IL1RL2: variants seen among roughly 807,000 people sequenced by gnomAD.
IL1RL2 encodes the protein interleukin 1 receptor like 2.
A neutral mutation model predicts 66.8 loss-of-function variants in IL1RL2; 68 were observed. The observed-to-expected ratio is 1.02, with a 90% CI of 0.84 to 1.25. The LOEUF (loss-of-function observed/expected upper bound fraction) is 1.25, where lower values mean the gene tolerates loss of function less well. IL1RL2 is among the 50% of genes most tolerant of loss of function. The pLI is 0.00. For synonymous variants in IL1RL2, 305 were observed against 264.6 expected, an observed-to-expected ratio of 1.15 and a Z score of -1.48; for missense variants, 729 against 709.3, an observed-to-expected ratio of 1.03 and a Z score of -0.32.
At chr2:102,223,647 C>A (rs7570468) in intron 8 of IL1RL2, among the ~76,000 whole-genome samples, 6,013 of 152,178 alleles carry the variant, frequency 0.04, 303 homozygotes, top group African/African-American at 0.11. Flanking sequence ...GTGAAGAGCC[C>A]GAGAATTTTA....
Position 102,239,815 on chromosome 2 carries a change from T to A in IL1RL2, c.*574T>A, listed in dbSNP as rs565640342. 1 of 154,386 alleles carries A rather than the reference T, an allele frequency of 6.5e-6. No individual in the cohort carries two copies. Among genetic ancestry groups the A allele is most frequent in the South Asian group, 1.9e-4 (1 of 5,276 alleles). The allele number at this position is 154,386 out of a possible 1,614,324, so 9.6% of individuals were successfully genotyped here. A position where few individuals can be genotyped will look rare whatever the true frequency, so the allele number is the denominator to read the frequency against. On this transcript the variant is annotated 3_prime_UTR_variant, in exon 12 of 12. Transcript: ENST00000264257. ...TCATGGTGGGTGAGAGCTGGGGGGATCACCTGTCATGGTGGGTGAGAGTTG... is the reference window on the plus strand; with the variant it reads ...TCATGGTGGGTGAGAGCTGGGGGGAACACCTGTCATGGTGGGTGAGAGTTG...
intron 9 of IL1RL2, among the ~76,000 whole-genome samples, chr2:102,227,557 G>A (rs1479465055): frequency 1.3e-5 from 2 of 152,104 alleles, no homozygotes; most frequent in African/African-American, 2.4e-5. Context: ...TGGATAGTCC[G>A]ACTGGGCATG....
intron 4 of IL1RL2, 102 bp from the exon 5 acceptor site, chr2:102,201,454 C>T: frequency 9.9e-7 from 1 of 1,005,704 alleles, no homozygotes; most frequent in Admixed American, 2.0e-5. Context: ...AGCTAGCTAG[C>T]TATCTGTTGT....
downstream of IL1RL2, among the ~76,000 whole-genome samples, chr2:102,241,659 T>C (rs1675235221): frequency 6.6e-6 from 1 of 152,076 alleles, no homozygotes; most frequent in African/African-American, 2.4e-5. Flanking sequence ...TAAGCTAAGC[T>C]CTTTAAGTAC....
At chr2:102,231,249 G>T (rs747157361) in intron 9 of IL1RL2, among the ~76,000 whole-genome samples, 37 of 152,092 alleles carry the variant, frequency 2.4e-4, no homozygotes, top group Non-Finnish European at 4.6e-4. Context: ...TCCACTCTTA[G>T]ACCCTCACTT....
rs139767610 is a variant in IL1RL2 at position 102,219,049 on chromosome 2, A to T, written c.821A>T (p.Tyr274Phe). Reference protein sequence around the residue: ...RVNNTLVDDYYDESKRIREGV... With the variant: ...RVNNTLVDDYFDESKRIREGV... ...AATAACACTTTGGTGGATGATTACT[A>T]TGATGAATCCAAACGAATCAGAGAA... is the stretch of plus-strand genomic sequence containing the variant. Residue 274 changes from tyrosine (Y) to phenylalanine (F), a missense_variant, in exon 7 of 12, where the codon TAT becomes TTT. Tyr to Phe is a conservative substitution (Grantham distance 22, BLOSUM62 3). Transcript: ENST00000264257. 1.9e-6 allele frequency: 3 copies of T among 1,613,882 alleles called. No individual in the cohort carries two copies. The African/African-American group carries it at 4.0e-5, about 22-fold the overall frequency.
intron 1 of IL1RL2, 145 bp from the exon 2 acceptor site, chr2:102,187,711 G>C: frequency 1.4e-6 from 1 of 709,240 alleles, no homozygotes; most frequent in Non-Finnish European, 2.5e-6. Context: ...GGGAAACGTG[G>C]GGCCAAAGTC....
At position 102,229,753 on chromosome 2, in the gene IL1RL2, A is replaced by G. The variant is rs1386572935; in HGVS notation, c.1136-3210A>G. Among the ~76,000 whole-genome samples the G allele has an allele frequency of 2.0e-5, 3 of 152,372 alleles. No individual in the cohort carries two copies. In the Middle Eastern group the frequency reaches 0.01, roughly 518 times the overall value. On this transcript the variant is annotated intron_variant, in intron 9 of 11. Transcript: ENST00000264257. ...TTTCTACTCAAAAGCTTAGTCAGAC[A>G]GAAAGAAAAAAAAGATGACCAAAAA...
At position 102,189,128 on chromosome 2, in the gene IL1RL2, T is replaced by C. The variant is rs770349785; in HGVS notation, c.111T>C (p.Pro37=). The part of the protein sequence containing the change: ...MKNEILSASQ[P]FAFNCTFPPI... ...ATGAGATACTTTCAGCAAGCCAGCC[T>C]TTTGCTTTTAATTGTACATTCCCTC... Residue 37 remains proline, a synonymous_variant, in exon 3 of 12, where the codon CCT becomes CCC. Coordinates refer to ENST00000264257, the MANE Select transcript of IL1RL2 (RefSeq NM_003854.4). 8 of 1,614,130 alleles carry C rather than the reference T, an allele frequency of 5.0e-6. No individual in the cohort carries two copies. The highest frequency in any genetic ancestry group is 1.7e-5 in the Admixed American group (1 of 60,034).
At chr2:102,210,300 A>C (rs890090485) in intron 5 of IL1RL2, among the ~76,000 whole-genome samples, 1 of 152,116 alleles carries the variant, frequency 6.6e-6, no homozygotes, top group South Asian at 2.1e-4. Flanking sequence ...GCAGGTGATG[A>C]GGTTGGGTAA....
chr2:102,188,962 A>C, intron 2 of IL1RL2, 114 bp from the exon 3 acceptor site: 1 of 727,804 alleles, frequency 1.4e-6, no homozygotes, highest in Non-Finnish European at 2.2e-6. Context: ...GAAACTCCCA[A>C]ATAAAATTTC....
downstream of IL1RL2, among the ~76,000 whole-genome samples, chr2:102,240,248 G>A (rs1003138102): frequency 6.6e-6 from 1 of 151,018 alleles, no homozygotes. Flanking sequence ...CCCACACTTA[G>A]TAGATGGACT....
chr2:102,211,979 G>T, intron 5 of IL1RL2, 121 bp from the exon 6 acceptor site: 1 of 575,442 alleles, frequency 1.7e-6, no homozygotes, highest in South Asian at 2.9e-5. Context: ...TTTATGGAGT[G>T]AGATTTTGAC....
At chr2:102,218,815 C>A in intron 6 of IL1RL2, 138 bp from the exon 7 acceptor site, 1 of 731,528 alleles carries the variant, frequency 1.4e-6, no homozygotes, top group Non-Finnish European at 2.2e-6. Context: ...AGTAGATTAA[C>A]ATTTGCCTAG....
At chr2:102,201,534 A>G (rs1437359189) in intron 4 of IL1RL2, 22 bp from the exon 5 acceptor site, 3 of 1,610,424 alleles carry the variant, frequency 1.9e-6, no homozygotes, top group East Asian at 4.5e-5. Context: ...ATTGAATTGA[A>G]TTTTGTTTTT....
At chr2:102,234,701 C>T (rs192508552) in intron 10 of IL1RL2, among the ~76,000 whole-genome samples, 196 bp from the exon 11 acceptor site, 1 of 152,168 alleles carries the variant, frequency 6.6e-6, no homozygotes. Flanking sequence ...GCAGGAGAAT[C>T]GCTTGAACCT....
At position 102,187,037 on chromosome 2, in the gene IL1RL2, C is replaced by T. The variant is rs1188294213; in HGVS notation, c.-62C>T. 17 of 1,289,692 alleles carry T rather than the reference C, an allele frequency of 1.3e-5. No homozygotes were observed. In the East Asian group the frequency reaches 8.9e-4, roughly 67 times the overall value. 79.9% of individuals were successfully genotyped at this position (1,289,692 alleles called of 1,614,324 possible). A position where few individuals can be genotyped will look rare whatever the true frequency, so the allele number is the denominator to read the frequency against. ...GGCATGACAGGGCTCGTGTCCCTGTCATATTTTCCACTCTCCACGAGGTCC... is the reference window on the plus strand; with the variant it reads ...GGCATGACAGGGCTCGTGTCCCTGTTATATTTTCCACTCTCCACGAGGTCC... On this transcript the variant is annotated 5_prime_UTR_variant, in exon 1 of 12. Transcript: ENST00000264257.
chr2:102,195,657 T>C (rs143024675), intron 4 of IL1RL2, among the ~76,000 whole-genome samples: 15,306 of 55,656 alleles, frequency 0.28, 1,998 homozygotes, highest in Non-Finnish European at 0.31. Flanking sequence ...CTTTCTTTCT[T>C]TCTTTCTTTC....
intron 5 of IL1RL2, among the ~76,000 whole-genome samples, chr2:102,206,368 T>C (rs1559540571): frequency 6.6e-6 from 1 of 152,226 alleles, no homozygotes; most frequent in Non-Finnish European, 1.5e-5. Context: ...CTCTCTGGAC[T>C]TATTTGTACT....
Sources: allele counts gnomAD v4.1 joint callset (sites outside exome capture counted in the v4.1 genomes callset), GRCh38; gene constraint gnomAD v4.1.1; transcripts MANE v1.5; gene names NCBI Gene and HGNC (gene_info 2026-07-23, HGNC 2026-07-21).